Variants in FKBP15 observed in about 807,000 individuals in gnomAD.
FKBP15 encodes FK506-binding protein 15.
In FKBP15, 106 loss-of-function variants were observed where a neutral mutation model predicts 158.1. The observed-to-expected ratio is 0.67, with a 90% CI of 0.57 to 0.79. The LOEUF is 0.79. Among genes scored for constraint, FKBP15 ranks in the 30% least tolerant of loss-of-function variants. The probability of loss-of-function intolerance (pLI) is 0.00; values close to 1 mark genes in which losing one functional copy is unlikely to be tolerated. For synonymous variants in FKBP15, 547 were observed against 548.6 expected (o/e 1.00, Z 0.04); for missense variants, 1,287 against 1,479.1 (o/e 0.87, Z 2.13).
Position 113,162,883 on chromosome 9 carries a change from A to G in FKBP15, c.*3195T>C, listed in dbSNP as rs1280573501. 1 of 1,612,620 alleles carries G rather than the reference A, an allele frequency of 6.2e-7. No homozygotes were observed. Among genetic ancestry groups the G allele is most frequent in the East Asian group, 2.2e-5 (1 of 44,796 alleles). On this transcript the variant is annotated 3_prime_UTR_variant, in exon 28 of 28. Transcript: ENST00000238256. ...GTGGTCTTGGGCTCTGCTGTGGGCTACTACCTAGCTTACCCACTTCTCAGC... is the reference window on the plus strand; with the variant it reads ...GTGGTCTTGGGCTCTGCTGTGGGCTGCTACCTAGCTTACCCACTTCTCAGC...
Position 113,204,623 on chromosome 9 carries a change from T to G in FKBP15, c.325-1588A>C, listed in dbSNP as rs934681682. On this transcript the variant is annotated intron_variant, in intron 4 of 27. Coordinates refer to ENST00000238256, the MANE Select transcript of FKBP15 (RefSeq NM_015258.2). ...TTCCAATTACATGGACGTTAGACCA[T>G]GTCCCACATCAATCTTTGCCCTGGT... Among the ~76,000 whole-genome samples, 8 of 152,236 alleles carry G rather than the reference T, an allele frequency of 5.3e-5. No homozygotes were observed. The South Asian group carries it at 1.4e-3, about 28-fold the overall frequency.
intron 19 of FKBP15, among the ~76,000 whole-genome samples, chr9:113,179,814 TA>T (rs1434548979): frequency 6.6e-6 from 1 of 152,118 alleles, no homozygotes; most frequent in Non-Finnish European, 1.5e-5. Flanking sequence ...AAATAGGCTA[TA>T]AATGAGTATC....
chr9:113,210,216 G>C (rs1431110012), intron 2 of FKBP15, among the ~76,000 whole-genome samples: 1 of 152,160 alleles, frequency 6.6e-6, no homozygotes, highest in African/African-American at 2.4e-5. Flanking sequence ...ACTCACCACT[G>C]GGGGTGAGCT....
At chr9:113,210,734 G>T (rs796402478) in intron 2 of FKBP15, among the ~76,000 whole-genome samples, 2 of 151,722 alleles carry the variant, frequency 1.3e-5, no homozygotes, top group African/African-American at 4.9e-5. Context: ...CCTCAATCTT[G>T]TTGGGCACTA....
At chr9:113,168,169 A>G (rs980006808) in intron 27 of FKBP15, among the ~76,000 whole-genome samples, 2 of 152,220 alleles carry the variant, frequency 1.3e-5, no homozygotes, top group African/African-American at 2.4e-5. Flanking sequence ...CTAAGGCTTC[A>G]GCATTCCAAT....
In FKBP15 at chr9:113,169,636, G is replaced by A. The variant is rs1462745415; in HGVS notation, c.3073C>T (p.Leu1025Phe). ...EALSEIKDGS[L>F]PPELSCIPSH... Reference sequence around the variant, plus strand: ...GGGATGCAAGACAGTTCGGGTGGAAGGGAACCATCTTTTATCTCTGAGAGT... The same window carrying A: ...GGGATGCAAGACAGTTCGGGTGGAAAGGAACCATCTTTTATCTCTGAGAGT... The change falls in exon 26 of 28, where the codon CTT (leucine) becomes TTT (phenylalanine). Residue 1025 changes from leucine (L) to phenylalanine (F), a missense_variant. Transcript: ENST00000238256. 6.2e-7 allele frequency: 1 copy of A among 1,614,020 alleles called. No homozygotes were observed. Among genetic ancestry groups the A allele is most frequent in the African/African-American group, 1.3e-5 (1 of 75,038 alleles).
chr9:113,188,980 T>C (rs1830529840), intron 12 of FKBP15, among the ~76,000 whole-genome samples: 1 of 152,248 alleles, frequency 6.6e-6, no homozygotes, highest in Non-Finnish European at 1.5e-5. Flanking sequence ...ATGCTGTTTT[T>C]GGATAATATA....
intron 12 of FKBP15, among the ~76,000 whole-genome samples, chr9:113,189,197 C>G (rs1294925165): frequency 6.6e-6 from 1 of 152,176 alleles, no homozygotes; most frequent in Non-Finnish European, 1.5e-5. Flanking sequence ...TAGAACTTCA[C>G]CTTGTCCCCT....
chr9:113,185,259 G>A (rs1281621270), intron 15 of FKBP15, among the ~76,000 whole-genome samples: 1 of 152,178 alleles, frequency 6.6e-6, no homozygotes, highest in African/African-American at 2.4e-5. Context: ...CAAAACAATG[G>A]ACCATATACT....
intron 14 of FKBP15, 189 bp downstream of exon 14, chr9:113,187,604 T>C (rs975150428): frequency 5.1e-6 from 3 of 587,332 alleles, no homozygotes; most frequent in African/African-American, 3.8e-5. Flanking sequence ...TTAATCTTTA[T>C]GACACTGGAA....
chr9:113,168,139 C>T (rs1273684854), intron 27 of FKBP15, among the ~76,000 whole-genome samples: 1 of 152,164 alleles, frequency 6.6e-6, no homozygotes, highest in Admixed American at 6.5e-5. Context: ...TAAATAATAT[C>T]CTAGCAGATT....
chr9:113,173,668 C>G, intron 22 of FKBP15, 63 bp from the exon 23 acceptor site: 1 of 1,531,684 alleles, frequency 6.5e-7, no homozygotes, highest in East Asian at 2.3e-5. Flanking sequence ...TCCATTGCAC[C>G]TAGGGAAACC....
rs1288212716 is a variant in FKBP15, at chr9:113,184,934, C to T, written c.1499-130G>A. ...ATACACTAGGAAATGCTATAGGTGA[C>T]TTCACCCTGTCAGGAGAAGATATAT... On this transcript the variant is annotated intron_variant, in intron 15 of 27. Coordinates refer to ENST00000238256, the MANE Select transcript of FKBP15 (RefSeq NM_015258.2). This position sits in a 1 kb window ranked among gnomAD's most constrained non-coding sequence, Gnocchi z 4.5. The T allele has an allele frequency of 1.7e-5, 12 of 703,356 alleles. No homozygotes were observed. The highest frequency in any genetic ancestry group is 2.8e-5 in the Non-Finnish European group (12 of 425,134). The allele number at this position is 703,356 out of a possible 1,614,324, so 43.6% of individuals were successfully genotyped here. A position where few individuals can be genotyped will look rare whatever the true frequency, so the allele number is the denominator to read the frequency against.
At position 113,162,684 on chromosome 9, in the gene FKBP15, T is replaced by C. The variant is rs989715046; in HGVS notation, c.*3394A>G. 1.8e-5 allele frequency: 26 copies of C among 1,459,304 alleles called. No homozygotes were observed. Among genetic ancestry groups the C allele is most frequent in the East Asian group, 4.6e-5 (2 of 43,104 alleles). The allele number at this position is 1,459,304 out of a possible 1,614,324, so 90.4% of individuals were successfully genotyped here. A position where few individuals can be genotyped will look rare whatever the true frequency, so the allele number is the denominator to read the frequency against. On this transcript the variant is annotated 3_prime_UTR_variant, in exon 28 of 28. Coordinates refer to ENST00000238256, the MANE Select transcript of FKBP15 (RefSeq NM_015258.2). Reference sequence around the variant, plus strand: ...CTCAACAGCTTTCTACTCCCTGATATCTACTCCCAGCTTCCTCATTACCAG... The same window carrying C: ...CTCAACAGCTTTCTACTCCCTGATACCTACTCCCAGCTTCCTCATTACCAG...
intron 19 of FKBP15, among the ~76,000 whole-genome samples, chr9:113,179,456 G>A (rs1415994505): frequency 1.3e-5 from 2 of 152,152 alleles, no homozygotes; most frequent in African/African-American, 4.8e-5. Flanking sequence ...GAGGTCAGGA[G>A]TTCGAGACCA....
At chr9:113,173,630 A>G in intron 22 of FKBP15, 25 bp from the exon 23 acceptor site, 1 of 1,606,710 alleles carries the variant, frequency 6.2e-7, no homozygotes, top group South Asian at 1.1e-5. Context: ...TAATGACCAT[A>G]TCATCCTTGG....
At chr9:113,194,279 G>A (rs745517078) in intron 9 of FKBP15, 110 bp from the exon 10 acceptor site, 94 of 794,328 alleles carry the variant, frequency 1.2e-4, no homozygotes, top group Non-Finnish European at 1.6e-4. Context: ...GGTGGGGGTA[G>A]AGGGGAGGGA....
chr9:113,186,060 C>G (rs1830479516), intron 15 of FKBP15, among the ~76,000 whole-genome samples, 189 bp downstream of exon 15: 1 of 152,138 alleles, frequency 6.6e-6, no homozygotes, highest in African/African-American at 2.4e-5. Flanking sequence ...TGCAAATTTA[C>G]TAAAACACTT....
At position 113,198,412 on chromosome 9, in the gene FKBP15, G is replaced by C. The variant is rs955933071; in HGVS notation, c.717+443C>G. On this transcript the variant is annotated intron_variant, in intron 8 of 27. Transcript: ENST00000238256. This position sits in a 1 kb window ranked among gnomAD's most constrained non-coding sequence, Gnocchi z 5.2. ...ATGCAATGTAACACATTTTCCCCTCGTATTCTTCATCCAGGCATTTCCAGA... is the reference window on the plus strand; with the variant it reads ...ATGCAATGTAACACATTTTCCCCTCCTATTCTTCATCCAGGCATTTCCAGA... 6.6e-6 allele frequency among the ~76,000 whole-genome samples: 1 copy of C among 152,154 alleles called. No homozygotes were observed. Among genetic ancestry groups the C allele is most frequent in the South Asian group, 2.1e-4 (1 of 4,832 alleles).
Sources: allele counts gnomAD v4.1 joint callset (sites outside exome capture counted in the v4.1 genomes callset), GRCh38; gene constraint gnomAD v4.1.1; non-coding constraint Gnocchi (gnomAD v3.1); transcripts MANE v1.5; gene names NCBI Gene and HGNC (gene_info 2026-07-23, HGNC 2026-07-21).